MED27: variants seen among roughly 807,000 people sequenced by gnomAD.
MED27 encodes mediator of RNA polymerase II transcription subunit 27.
Under a neutral mutation model 38.2 loss-of-function variants are expected in MED27, and 30 were observed. The ratio of observed to expected loss-of-function variants is 0.79; its 90% confidence interval spans 0.59 to 1.07. MED27 has a LOEUF of 1.07. Ranked by LOEUF, MED27 falls within the 50% of genes least tolerant of loss-of-function variation. MED27 has a pLI of 0.00. For missense variants in MED27, 289 were observed against 397.5 expected, an observed-to-expected ratio of 0.73 and a Z score of 2.32; for synonymous variants, 122 against 153.5, an observed-to-expected ratio of 0.79 and a Z score of 1.52.
chr9:131,917,134 G>A lies in MED27; in HGVS notation c.573+22247C>T, dbSNP rs544380608. On this transcript the variant is annotated intron_variant, in intron 4 of 7. Coordinates refer to ENST00000292035, the MANE Select transcript of MED27 (RefSeq NM_004269.4). The surrounding 1 kb of genome is among the most constrained non-coding windows in gnomAD (Gnocchi z 4.6). Reference sequence around the variant, plus strand: ...TGGGAAGGTATTTTTGCTTGTCACAGTAAGTCAGGGAGCTATTGGCATTTA... The same window carrying A: ...TGGGAAGGTATTTTTGCTTGTCACAATAAGTCAGGGAGCTATTGGCATTTA... 1.3e-5 allele frequency among the ~76,000 whole-genome samples: 2 copies of A among 152,300 alleles called. No individual in the cohort carries two copies. The highest frequency in any genetic ancestry group is 4.1e-4 in the South Asian group (2 of 4,824).
At chr9:131,979,483 C>A (rs1831683924) in intron 3 of MED27, among the ~76,000 whole-genome samples, 5 of 127,718 alleles carry the variant, frequency 3.9e-5, no homozygotes, top group South Asian at 2.5e-4. Context: ...AAAGCTGTTC[C>A]AAAAAAAAAA....
chr9:132,032,576 G>A (rs551551406), intron 2 of MED27, among the ~76,000 whole-genome samples: 1 of 152,292 alleles, frequency 6.6e-6, no homozygotes, highest in East Asian at 1.9e-4. Flanking sequence ...GGAACAAGAA[G>A]ACACATTTTC....
chr9:131,897,574 A>T (rs1484634265), intron 4 of MED27, among the ~76,000 whole-genome samples: 1 of 152,206 alleles, frequency 6.6e-6, no homozygotes, highest in East Asian at 1.9e-4. Context: ...TACGTACTGA[A>T]ATATCTACAG....
intron 2 of MED27, among the ~76,000 whole-genome samples, chr9:132,049,643 G>A (rs567385955): frequency 2.0e-5 from 3 of 152,186 alleles, no homozygotes; most frequent in Non-Finnish European, 4.4e-5. Context: ...AACCAGCACA[G>A]AGCATCATAG....
At chr9:131,974,073 T>C (rs1831551120) in intron 3 of MED27, among the ~76,000 whole-genome samples, 1 of 152,168 alleles carries the variant, frequency 6.6e-6, no homozygotes, top group Admixed American at 6.5e-5. Context: ...AGATGTGTTT[T>C]CTAAGCTGCA....
intron 2 of MED27, among the ~76,000 whole-genome samples, chr9:132,023,652 T>A (rs1337264567): frequency 6.6e-6 from 1 of 152,030 alleles, no homozygotes; most frequent in Admixed American, 6.6e-5. Flanking sequence ...TGATCAGCCA[T>A]CCCCTTACTC....
chr9:132,026,499 T>C (rs772625245), intron 2 of MED27, among the ~76,000 whole-genome samples: 2 of 152,196 alleles, frequency 1.3e-5, no homozygotes, highest in South Asian at 4.1e-4. Context: ...TTTCCCAAAG[T>C]GTATTCCACA....
intron 2 of MED27, among the ~76,000 whole-genome samples, chr9:132,068,076 G>T (rs1260575339): frequency 6.6e-6 from 1 of 151,926 alleles, no homozygotes; most frequent in Non-Finnish European, 1.5e-5. Context: ...TCTTCCCCCC[G>T]CAAAAAGGGG....
At chr9:132,031,710 C>T (rs752564070) in intron 2 of MED27, among the ~76,000 whole-genome samples, 52 of 151,952 alleles carry the variant, frequency 3.4e-4, no homozygotes, top group Non-Finnish European at 2.9e-4. Context: ...ACCAACACAT[C>T]TGGTATAAAT....
chr9:132,050,101 A>G (rs1296718592), intron 2 of MED27, among the ~76,000 whole-genome samples: 1 of 152,200 alleles, frequency 6.6e-6, no homozygotes, highest in Non-Finnish European at 1.5e-5. Context: ...ACAATCCGTC[A>G]CCAAAAATCA....
intron 4 of MED27, among the ~76,000 whole-genome samples, chr9:131,916,175 G>A (rs950325627): frequency 6.6e-6 from 1 of 152,052 alleles, no homozygotes; most frequent in Admixed American, 6.6e-5. Flanking sequence ...TTAACTGGAG[G>A]AAAAATCAAC....
chr9:132,038,310 G>A (rs1225513239), intron 2 of MED27, among the ~76,000 whole-genome samples: 10 of 148,406 alleles, frequency 6.7e-5, no homozygotes, highest in Non-Finnish European at 1.0e-4. Context: ...TCCTGCCTCA[G>A]CCTCCCAAGT....
intron 2 of MED27, among the ~76,000 whole-genome samples, chr9:132,068,472 G>C (rs1186155948): frequency 6.6e-6 from 1 of 152,148 alleles, no homozygotes; most frequent in Non-Finnish European, 1.5e-5. Context: ...AGAAAGGGTA[G>C]ACTACAGGCC....
intron 3 of MED27, among the ~76,000 whole-genome samples, chr9:131,990,791 A>T (rs1831955839): frequency 6.6e-6 from 1 of 152,158 alleles, no homozygotes; most frequent in Non-Finnish European, 1.5e-5. Flanking sequence ...CTCCTGGAGG[A>T]CTGCGGCTCG....
intron 2 of MED27, among the ~76,000 whole-genome samples, chr9:132,063,108 A>AT (rs1833735206): frequency 1.3e-5 from 2 of 152,222 alleles, no homozygotes; most frequent in Non-Finnish European, 1.5e-5. Context: ...CAGCAAACTC[A>AT]TTAGTATCAT....
intron 5 of MED27, among the ~76,000 whole-genome samples, chr9:131,893,056 C>T (rs1589190365): frequency 6.6e-6 from 1 of 152,206 alleles, no homozygotes; most frequent in African/African-American, 2.4e-5. Context: ...ACAGTTACCA[C>T]CTTTTTTTGA....
chr9:131,941,182 A>G (rs1830779153), intron 3 of MED27, among the ~76,000 whole-genome samples: 1 of 152,206 alleles, frequency 6.6e-6, no homozygotes, highest in Non-Finnish European at 1.5e-5. Context: ...GTATAATATA[A>G]TAGCTGACAT....
intron 3 of MED27, among the ~76,000 whole-genome samples, chr9:131,948,968 C>T (rs1206291567): frequency 6.6e-6 from 1 of 152,146 alleles, no homozygotes; most frequent in Non-Finnish European, 1.5e-5. Flanking sequence ...TGCACAAGGG[C>T]CCAGCACACG....
At chr9:132,029,516 C>T (rs1400328747) in intron 2 of MED27, among the ~76,000 whole-genome samples, 1 of 152,124 alleles carries the variant, frequency 6.6e-6, no homozygotes. Flanking sequence ...TTAACAGACA[C>T]AGGACAGAGT....
Sources: allele counts gnomAD v4.1 joint callset (sites outside exome capture counted in the v4.1 genomes callset), GRCh38; gene constraint gnomAD v4.1.1; non-coding constraint Gnocchi (gnomAD v3.1); transcripts MANE v1.5; gene names NCBI Gene and HGNC (gene_info 2026-07-23, HGNC 2026-07-21).